TRAK1: variants seen among roughly 807,000 people sequenced by gnomAD.
The protein encoded by TRAK1 is trafficking kinesin protein 1.
A neutral mutation model predicts 92.1 loss-of-function variants in TRAK1; 33 were observed. The ratio of observed to expected loss-of-function variants is 0.36; its 90% CI spans 0.27 to 0.48. TRAK1 has a LOEUF of 0.48. TRAK1 is among the 20% of genes least tolerant of loss of function. The pLI, the probability that TRAK1 is intolerant of heterozygous loss-of-function variation, is 0.99. For missense variants in TRAK1, 1,123 were observed against 1,257.9 expected (o/e 0.89, Z 1.62); for synonymous variants, 521 against 517.3 (o/e 1.01, Z -0.10).
intron 1 of TRAK1, among the ~76,000 whole-genome samples, chr3:42,062,748 A>G (rs1355986424): frequency 1.3e-5 from 2 of 152,218 alleles, no homozygotes; most frequent in Non-Finnish European, 2.9e-5. Context: ...GCTGCCTAAT[A>G]TAATTCTCAT....
At chr3:42,042,939 C>T (rs9830319) in intron 1 of TRAK1, among the ~76,000 whole-genome samples, 6,136 of 152,002 alleles carry the variant, frequency 0.04, 393 homozygotes, top group African/African-American at 0.13. Flanking sequence ...TACTTATCTC[C>T]TCATCTCGTC....
chr3:42,061,508 G>A (rs1411557380), intron 1 of TRAK1, among the ~76,000 whole-genome samples: 1 of 151,984 alleles, frequency 6.6e-6, no homozygotes, highest in African/African-American at 2.4e-5. Flanking sequence ...TCCAAAGCAG[G>A]AGATACGGGG....
intron 2 of TRAK1, among the ~76,000 whole-genome samples, chr3:42,126,952 A>G (rs1208571488): frequency 6.6e-6 from 1 of 152,242 alleles, no homozygotes; most frequent in Non-Finnish European, 1.5e-5. Context: ...ATGGATAATA[A>G]CAGAATAATC....
chr3:42,079,519 TG>T (rs1704331118), intron 1 of TRAK1, among the ~76,000 whole-genome samples: 1 of 149,668 alleles, frequency 6.7e-6, no homozygotes, highest in Non-Finnish European at 1.5e-5. Flanking sequence ...CTTGCTGTCT[TG>T]CCCAGGCTGG....
chr3:42,031,033 A>T (rs867020830), intron 1 of TRAK1, among the ~76,000 whole-genome samples: 2,239 of 95,714 alleles, frequency 0.023, 279 homozygotes, highest in African/African-American at 0.074. Context: ...AGCTATTTGA[A>T]TTTTTTTTTT....
At chr3:42,054,158 A>G (rs1418606612) in intron 1 of TRAK1, among the ~76,000 whole-genome samples, 2 of 152,226 alleles carry the variant, frequency 1.3e-5, no homozygotes, top group African/African-American at 2.4e-5. Context: ...AATGAATTTC[A>G]TTATTTACCT....
chr3:42,038,687 C>G (rs1702417953), intron 1 of TRAK1, among the ~76,000 whole-genome samples: 1 of 149,164 alleles, frequency 6.7e-6, no homozygotes, highest in Non-Finnish European at 1.5e-5. Flanking sequence ...ACTTGGGAGG[C>G]TGAGGCAGGA....
intron 1 of TRAK1, among the ~76,000 whole-genome samples, chr3:42,048,656 G>T (rs1354809923): frequency 6.6e-6 from 1 of 151,246 alleles, no homozygotes; most frequent in Non-Finnish European, 1.5e-5. Context: ...CTCCACCCTG[G>T]GCTCAAGGGA....
chr3:42,193,289 C>CT, intron 8 of TRAK1, 84 bp downstream of exon 8: 3 of 1,554,288 alleles, frequency 1.9e-6, no homozygotes, highest in Non-Finnish European at 2.6e-6. Flanking sequence ...AGACAGTGCT[C>CT]TTTAGTTTCA....
intron 1 of TRAK1, among the ~76,000 whole-genome samples, chr3:42,027,638 ATTTT>A (rs1559707413): frequency 1.3e-5 from 2 of 152,186 alleles, no homozygotes; most frequent in Non-Finnish European, 2.9e-5. Flanking sequence ...TGTAGAAAAT[ATTTT>A]TTAAAAAGCC....
intron 2 of TRAK1, among the ~76,000 whole-genome samples, chr3:42,128,147 C>T (rs1417423736): frequency 6.6e-6 from 1 of 152,140 alleles, no homozygotes; most frequent in Non-Finnish European, 1.5e-5. Context: ...CCATTGTACT[C>T]CAGCCTGGGC....
At chr3:42,208,221 T>A (rs558211378) in intron 13 of TRAK1, among the ~76,000 whole-genome samples, 2 of 152,246 alleles carry the variant, frequency 1.3e-5, no homozygotes, top group East Asian at 3.8e-4. Flanking sequence ...AAATTAAGTA[T>A]GTTGCTATTG....
intron 2 of TRAK1, among the ~76,000 whole-genome samples, chr3:42,143,231 A>C (rs1257235055): frequency 7.5e-6 from 1 of 132,740 alleles, no homozygotes; most frequent in Non-Finnish European, 1.5e-5. Flanking sequence ...TTTGTTCTTT[A>C]AAAAAAAAAA....
chr3:42,208,874 A>G (rs1406513384), intron 13 of TRAK1, among the ~76,000 whole-genome samples: 1 of 152,238 alleles, frequency 6.6e-6, no homozygotes, highest in East Asian at 1.9e-4. Context: ...TAAGTTGGCA[A>G]GAACACCGTA....
intron 1 of TRAK1, among the ~76,000 whole-genome samples, chr3:42,058,339 AATTT>A (rs1429594553): frequency 1.2e-4 from 18 of 151,464 alleles, no homozygotes; most frequent in African/African-American, 3.9e-4. Flanking sequence ...AATTTAATTT[AATTT>A]ATTTATTTTT....
intron 1 of TRAK1, among the ~76,000 whole-genome samples, chr3:42,101,409 G>C (rs973107729): frequency 6.6e-6 from 1 of 152,234 alleles, no homozygotes; most frequent in African/African-American, 2.4e-5. Flanking sequence ...ATATTCTTAG[G>C]TGACAGGAGT....
exon 1 of TRAK1, chr3:42,014,038 G>T (rs916917070): frequency 6.6e-6 from 1 of 151,156 alleles, no homozygotes; most frequent in Admixed American, 6.6e-5. Context: ...GCCGGGCCGA[G>T]AACGACGCGG....
chr3:42,176,774 G>A (rs1703273891), intron 2 of TRAK1, 40 bp from the exon 3 acceptor site: 2 of 1,568,016 alleles, frequency 1.3e-6, no homozygotes, highest in African/African-American at 1.4e-5. Context: ...TGGCAGGTTT[G>A]TGACATTGGG....
chr3:42,015,549 C>G (rs1474941128), intron 1 of TRAK1, among the ~76,000 whole-genome samples: 2 of 152,290 alleles, frequency 1.3e-5, no homozygotes, highest in Non-Finnish European at 2.9e-5. Context: ...GCTCTCCCCT[C>G]TCTGGGAGAC....
Sources: gnomAD v4.1 joint callset for allele counts (sites outside exome capture counted in the v4.1 genomes callset) on GRCh38, gnomAD v4.1.1 for gene constraint, MANE v1.5 for transcripts, NCBI Gene and HGNC (gene_info 2026-07-23, HGNC 2026-07-21) for gene names.